The following SETBP1 variants were observed in gnomAD, a reference collection of about 807,000 sequenced individuals.
SETBP1 encodes the protein SET-binding protein.
In SETBP1, 9 loss-of-function variants were observed where a neutral mutation model predicts 101.0. The observed-to-expected ratio is 0.09, with a 90% CI of 0.05 to 0.16. The LOEUF is 0.16. Ranked by LOEUF, SETBP1 falls within the 10% of genes least tolerant of loss-of-function variation. The pLI, the probability that SETBP1 is intolerant of heterozygous loss-of-function variation, is 1.00. For synonymous variants in SETBP1, 818 were observed against 788.5 expected (o/e 1.04, Z -0.63); for missense variants, 1,858 against 2,033.8 (o/e 0.91, Z 1.66).
At chr18:44,891,520 T>C (rs2069769066) in intron 3 of SETBP1, among the ~76,000 whole-genome samples, 1 of 152,144 alleles carries the variant, frequency 6.6e-6, no homozygotes, top group Non-Finnish European at 1.5e-5. Context: ...AGTGAAAGTC[T>C]TATAATGGGG....
At chr18:44,829,288 A>G (rs1011792867) in intron 2 of SETBP1, among the ~76,000 whole-genome samples, 1 of 152,210 alleles carries the variant, frequency 6.6e-6, no homozygotes, top group African/African-American at 2.4e-5. Flanking sequence ...AACATCGTAT[A>G]CATGTTACTG....
chr18:45,054,252 A>G (rs2073770706), intron 5 of SETBP1, among the ~76,000 whole-genome samples: 1 of 151,978 alleles, frequency 6.6e-6, no homozygotes, highest in Non-Finnish European at 1.5e-5. Context: ...CAGTGGCACA[A>G]TCTTGGCTCA....
chr18:44,950,727 C>A lies in SETBP1; in HGVS notation c.1387C>A (p.Arg463Ser). The A allele has an allele frequency of 6.2e-7, 1 of 1,614,054 alleles. No individual in the cohort carries two copies. Among genetic ancestry groups the A allele is most frequent in the Non-Finnish European group, 8.5e-7 (1 of 1,180,012 alleles). Reference protein sequence around the residue: ...SNSEGNKKDPRVPKLSKMIEN... With the variant: ...SNSEGNKKDPSVPKLSKMIEN... ...CTCTGAGGGGAATAAGAAGGATCCCCGTGTCCCTAAGTTGAGTAAAATGAT... is the reference window on the plus strand; with the variant it reads ...CTCTGAGGGGAATAAGAAGGATCCCAGTGTCCCTAAGTTGAGTAAAATGAT... The change falls in exon 4 of 6, where the codon CGT becomes AGT. Residue 463 changes from arginine (R) to serine (S), a missense_variant. Physicochemically the swap from Arg to Ser is moderately radical, Grantham distance 110. Transcript: ENST00000649279.
intron 5 of SETBP1, among the ~76,000 whole-genome samples, chr18:45,044,135 G>A (rs1157878241): frequency 3.3e-5 from 5 of 152,142 alleles, no homozygotes; most frequent in Non-Finnish European, 5.9e-5. Context: ...AACCAAAATA[G>A]AAGAAATAAA....
intron 3 of SETBP1, among the ~76,000 whole-genome samples, chr18:44,888,410 T>C (rs1171191764): frequency 1.3e-5 from 2 of 152,040 alleles, no homozygotes; most frequent in African/African-American, 4.8e-5. Flanking sequence ...TCCCAAGAAG[T>C]AGTATTTCAA....
At chr18:44,912,971 C>T (rs1303816728) in intron 3 of SETBP1, among the ~76,000 whole-genome samples, 1 of 152,134 alleles carries the variant, frequency 6.6e-6, no homozygotes, top group Non-Finnish European at 1.5e-5. Context: ...AACCACAAAC[C>T]AAAAAGTTCC....
In SETBP1 at chr18:44,869,217, T is replaced by A; in HGVS notation, c.487-13T>A. 6.2e-7 allele frequency: 1 copy of A among 1,613,910 alleles called. No individual in the cohort carries two copies. Among genetic ancestry groups the A allele is most frequent in the Non-Finnish European group, 8.5e-7 (1 of 1,179,846 alleles). On this transcript the variant is annotated splice_polypyrimidine_tract_variant and intron_variant, in intron 2 of 5. Coordinates refer to ENST00000649279, the MANE Select transcript of SETBP1 (RefSeq NM_015559.3). ...AAAAGTGTCACTGAGAAAATTTCTTTATTCTTTTGCAGCTCCTCACAGCCA... is the reference window on the plus strand; with the variant it reads ...AAAAGTGTCACTGAGAAAATTTCTTAATTCTTTTGCAGCTCCTCACAGCCA...
At chr18:44,872,468 C>T (rs960965803) in intron 3 of SETBP1, among the ~76,000 whole-genome samples, 1 of 152,106 alleles carries the variant, frequency 6.6e-6, no homozygotes, top group Non-Finnish European at 1.5e-5. Context: ...TTCCACAACA[C>T]TGGAAAATCC....
rs762804357 is a variant in SETBP1 at position 44,951,488 on chromosome 18, C to T, written c.2148C>T (p.Ser716=). The change falls in exon 4 of 6, where the codon AGC becomes AGT. Residue 716 remains serine, a synonymous_variant. Transcript: ENST00000649279. This position sits in a 1 kb window ranked among gnomAD's most constrained non-coding sequence, Gnocchi z 7.8. ...ESKLGKQINV[S]KRGTIYIGKK... ...AACTGGGCAAGCAGATTAATGTCAG[C>T]AAGAGGGGAACCATCTACATTGGCA... 1.7e-5 allele frequency: 28 copies of T among 1,614,086 alleles called. No individual in the cohort carries two copies. The South Asian group carries it at 2.5e-4, about 15-fold the overall frequency.
chr18:44,707,626 A>C (rs933993198), intron 2 of SETBP1, among the ~76,000 whole-genome samples: 7 of 152,230 alleles, frequency 4.6e-5, no homozygotes, highest in African/African-American at 1.7e-4. Flanking sequence ...TCTGCTTTTG[A>C]GAAGCCAAAT....
chr18:44,776,311 C>T (rs1157700580), intron 2 of SETBP1, among the ~76,000 whole-genome samples: 1 of 152,192 alleles, frequency 6.6e-6, no homozygotes, highest in East Asian at 1.9e-4. Context: ...CTATAGAGCC[C>T]TCTTTTCGCT....
intron 2 of SETBP1, among the ~76,000 whole-genome samples, chr18:44,819,123 T>C (rs1462407843): frequency 2.0e-5 from 3 of 151,376 alleles, no homozygotes; most frequent in Non-Finnish European, 1.5e-5. Context: ...AGACAGATAC[T>C]TGAGAGTGGG....
At chr18:45,043,439 G>GGAA (rs573799753) in intron 5 of SETBP1, among the ~76,000 whole-genome samples, 58 of 137,916 alleles carry the variant, frequency 4.2e-4, no homozygotes, top group African/African-American at 1.5e-3. Flanking sequence ...AGTCCAAGGA[G>GGAA]AAAAAAAAAA....
At chr18:44,911,099 T>G (rs985306770) in intron 3 of SETBP1, among the ~76,000 whole-genome samples, 3 of 152,186 alleles carry the variant, frequency 2.0e-5, no homozygotes, top group Admixed American at 6.5e-5. Flanking sequence ...AAAAGACCAT[T>G]GGACCTGGCT....
intron 2 of SETBP1, among the ~76,000 whole-genome samples, chr18:44,737,210 A>T (rs2069987971): frequency 6.6e-6 from 1 of 152,132 alleles, no homozygotes; most frequent in Admixed American, 6.5e-5. Flanking sequence ...TCCTGTGAAG[A>T]CTCACATCTA....
At chr18:44,802,123 C>A (rs1488404857) in intron 2 of SETBP1, among the ~76,000 whole-genome samples, 1 of 152,194 alleles carries the variant, frequency 6.6e-6, no homozygotes, top group African/African-American at 2.4e-5. Flanking sequence ...ATCTCCTTTT[C>A]AAGGTTCAGA....
intron 2 of SETBP1, among the ~76,000 whole-genome samples, chr18:44,744,778 A>AC (rs942357034): frequency 7.0e-5 from 9 of 128,592 alleles, no homozygotes; most frequent in Admixed American, 1.5e-4. Context: ...TTAAAAAAAA[A>AC]AAAACAAAAA....
intron 2 of SETBP1, among the ~76,000 whole-genome samples, chr18:44,837,276 G>T (rs1361702727): frequency 6.6e-6 from 1 of 152,160 alleles, no homozygotes; most frequent in Admixed American, 6.5e-5. Context: ...GGCTGGAGGA[G>T]GGTCAGTCAG....
At chr18:44,804,846 G>T (rs545240014) in intron 2 of SETBP1, among the ~76,000 whole-genome samples, 192 of 152,152 alleles carry the variant, frequency 1.3e-3, no homozygotes, top group African/African-American at 4.6e-3. Context: ...CACTCTCATG[G>T]TTTTTTTCTC....
Sources: allele counts gnomAD v4.1 joint callset (sites outside exome capture counted in the v4.1 genomes callset), GRCh38; gene constraint gnomAD v4.1.1; non-coding constraint Gnocchi (gnomAD v3.1); transcripts MANE v1.5; gene names NCBI Gene and HGNC (gene_info 2026-07-23, HGNC 2026-07-21).